Variants in TMC1 observed in about 807,000 individuals in gnomAD.
TMC1 encodes the protein transmembrane channel like 1.
Under a neutral mutation model 105.8 loss-of-function variants are expected in TMC1, and 84 were observed. The ratio of observed to expected loss-of-function variants is 0.79; its 90% confidence interval spans 0.67 to 0.95. The LOEUF (loss-of-function observed/expected upper bound fraction) is 0.95. Ranked by LOEUF, TMC1 falls within the 40% of genes least tolerant of loss-of-function variation. The pLI, the probability that TMC1 is intolerant of heterozygous loss-of-function variation, is 0.00. For missense variants in TMC1, 817 were observed against 914.1 expected (o/e 0.89, Z 1.37); for synonymous variants, 315 against 311.5 (o/e 1.01, Z -0.12).
At chr9:72,548,783 G>A (rs993494630) in intron 1 of TMC1, among the ~76,000 whole-genome samples, 2 of 152,032 alleles carry the variant, frequency 1.3e-5, no homozygotes, top group African/African-American at 4.8e-5. Flanking sequence ...CCCAGGAGTT[G>A]GAGACCAACC....
chr9:72,727,889 C>T (rs1019539499), intron 8 of TMC1, among the ~76,000 whole-genome samples: 2 of 152,032 alleles, frequency 1.3e-5, no homozygotes, highest in Non-Finnish European at 2.9e-5. Flanking sequence ...AATAAACAAA[C>T]ATAAAATCAT....
At chr9:72,816,580 G>A (rs112527738) in intron 19 of TMC1, among the ~76,000 whole-genome samples, 1 of 152,062 alleles carries the variant, frequency 6.6e-6, no homozygotes, top group African/African-American at 2.4e-5. Context: ...CCGAGAGACC[G>A]AGTTTATTTT....
intron 12 of TMC1, among the ~76,000 whole-genome samples, chr9:72,761,162 A>T (rs1827750106): frequency 6.6e-6 from 1 of 152,224 alleles, no homozygotes; most frequent in Admixed American, 6.5e-5. Context: ...ATAAGCAGAA[A>T]TTGTATCATG....
intron 2 of TMC1, among the ~76,000 whole-genome samples, chr9:72,598,779 C>A (rs1450794255): frequency 6.6e-6 from 1 of 152,174 alleles, no homozygotes; most frequent in Non-Finnish European, 1.5e-5. Context: ...GAAAATCCTT[C>A]CTACTGTTCT....
At chr9:72,723,056 T>A (rs1179364772) in intron 8 of TMC1, among the ~76,000 whole-genome samples, 3 of 152,184 alleles carry the variant, frequency 2.0e-5, no homozygotes, top group African/African-American at 7.2e-5. Context: ...TATAATCAAC[T>A]ATGAAATGCT....
chr9:72,688,741 A>G lies in TMC1; in HGVS notation c.49A>G (p.Thr17Ala). ...CAAAGTGGAGGAAAAAGAAGACGAG[A>G]CTGAGGAAAGCTCAAGTAAGTGGTG... is the stretch of plus-strand genomic sequence containing the variant. ...QIKVEEKEDE[T>A]EESSSEEEEE... The change falls in exon 6 of 24, where the codon ACT becomes GCT. Residue 17 changes from threonine (T) to alanine (A), a missense_variant. Transcript: ENST00000297784. 6.2e-7 allele frequency: 1 copy of G among 1,611,978 alleles called. No individual in the cohort carries two copies. The highest frequency in any genetic ancestry group is 8.5e-7 in the Non-Finnish European group (1 of 1,178,642).
At chr9:72,792,443 T>G in intron 17 of TMC1, 91 bp downstream of exon 17, 1 of 1,502,248 alleles carries the variant, frequency 6.7e-7, no homozygotes. Flanking sequence ...AAAAAATTGC[T>G]TATTAGTAAA....
At chr9:72,650,872 T>TTTTATATATA (rs1825793715) in intron 5 of TMC1, among the ~76,000 whole-genome samples, 1 of 119,876 alleles carries the variant, frequency 8.3e-6, no homozygotes, top group African/African-American at 3.4e-5. Context: ...ATGGTGTATT[T>TTTTATATATA]TATATATATA....
chr9:72,706,778 CT>C (rs370448287), intron 8 of TMC1, among the ~76,000 whole-genome samples: 288 of 142,582 alleles, frequency 2.0e-3, no homozygotes, highest in Middle Eastern at 7.3e-3. Flanking sequence ...TTCTTTCTTT[CT>C]TTTTTTTTTT....
chr9:72,790,358 G>A (rs1828247000), intron 15 of TMC1, among the ~76,000 whole-genome samples: 2 of 152,052 alleles, frequency 1.3e-5, no homozygotes, highest in Admixed American at 1.3e-4. Flanking sequence ...ATAGAGACGG[G>A]ACTAGATATT....
chr9:72,630,399 T>C (rs1039533813), intron 4 of TMC1, among the ~76,000 whole-genome samples: 2 of 152,342 alleles, frequency 1.3e-5, no homozygotes, highest in African/African-American at 4.8e-5. Flanking sequence ...TCAAAACTTT[T>C]GTAAACTATA....
chr9:72,606,217 G>T (rs115977216), intron 2 of TMC1, among the ~76,000 whole-genome samples: 1 of 152,072 alleles, frequency 6.6e-6, no homozygotes, highest in African/African-American at 2.4e-5. Context: ...GTTTCTTCTC[G>T]CTGGAGACTT....
chr9:72,691,185 T>G (rs1826461139), intron 6 of TMC1, among the ~76,000 whole-genome samples: 1 of 152,152 alleles, frequency 6.6e-6, no homozygotes, highest in Non-Finnish European at 1.5e-5. Context: ...TTATCTCTGG[T>G]TATTTTTATA....
At chr9:72,663,587 A>G (rs1377460796) in intron 5 of TMC1, among the ~76,000 whole-genome samples, 1 of 152,118 alleles carries the variant, frequency 6.6e-6, no homozygotes. Context: ...ACAAGATGGA[A>G]TCTGTTAGTT....
In TMC1 at chr9:72,821,360, C is replaced by T. The variant is rs1316662215; in HGVS notation, c.2003+279C>T. On this transcript the variant is annotated intron_variant, in intron 20 of 23. Transcript: ENST00000297784. ...AATACAAAGAAAAAAAAATTAGTCGCGTGTGGTGGTGGGTGCCTGTAATCC... is the reference window on the plus strand; with the variant it reads ...AATACAAAGAAAAAAAAATTAGTCGTGTGTGGTGGTGGGTGCCTGTAATCC... Among the ~76,000 whole-genome samples, 7 of 151,592 alleles carry T rather than the reference C, an allele frequency of 4.6e-5. No homozygotes were observed. In the South Asian group the frequency reaches 1.5e-3, roughly 32 times the overall value.
At chr9:72,717,951 A>T (rs560495665) in intron 8 of TMC1, among the ~76,000 whole-genome samples, 2 of 152,180 alleles carry the variant, frequency 1.3e-5, no homozygotes, top group African/African-American at 4.8e-5. Flanking sequence ...TGGTCATTTA[A>T]CATAATCCCA....
At chr9:72,687,060 A>G (rs903981240) in intron 5 of TMC1, among the ~76,000 whole-genome samples, 2 of 152,148 alleles carry the variant, frequency 1.3e-5, no homozygotes, top group African/African-American at 4.8e-5. Flanking sequence ...TATTTAATAT[A>G]TAATCTTTCC....
chr9:72,748,520 A>T (rs1247778695), intron 10 of TMC1, among the ~76,000 whole-genome samples: 8 of 152,294 alleles, frequency 5.3e-5, no homozygotes, highest in South Asian at 4.1e-4. Flanking sequence ...ATCAAGATAT[A>T]CTAGCTATTA....
rs538977535 is a variant in TMC1 at position 72,749,208 on chromosome 9, G to A, written c.536-2642G>A. On this transcript the variant is annotated intron_variant, in intron 10 of 23. Transcript: ENST00000297784. Reference sequence around the variant, plus strand: ...TTGTGTGTAGGTGCTGAGAGGATGGGCCGTGGCAATAATTAGAAAAACAAA... The same window carrying A: ...TTGTGTGTAGGTGCTGAGAGGATGGACCGTGGCAATAATTAGAAAAACAAA... 2.5e-4 allele frequency among the ~76,000 whole-genome samples: 38 copies of A among 152,276 alleles called. No homozygotes were observed. In the South Asian group the frequency reaches 7.3e-3, roughly 29 times the overall value.
Sources: gnomAD v4.1 joint callset for allele counts (sites outside exome capture counted in the v4.1 genomes callset) on GRCh38, gnomAD v4.1.1 for gene constraint, MANE v1.5 for transcripts, NCBI Gene and HGNC (gene_info 2026-07-23, HGNC 2026-07-21) for gene names.